The following RERE variants were observed in gnomAD, a reference collection of about 807,000 sequenced individuals.
The protein encoded by RERE is arginine-glutamic acid dipeptide repeats protein.
A neutral mutation model predicts 146.1 loss-of-function variants in RERE; 40 were observed. The ratio of observed to expected loss-of-function variants is 0.27; its 90% CI spans 0.21 to 0.36. The LOEUF is 0.36. RERE is among the 10% of genes least tolerant of loss of function. The probability of loss-of-function intolerance (pLI) is 1.00; values close to 1 mark genes in which losing one functional copy is unlikely to be tolerated. For synonymous variants in RERE, 1,003 were observed against 866.0 expected (o/e 1.16, Z -2.78); for missense variants, 1,933 against 2,138.7 (o/e 0.90, Z 1.90).
chr1:8,645,817 A>G (rs1030047958), intron 2 of RERE, among the ~76,000 whole-genome samples: 7 of 152,256 alleles, frequency 4.6e-5, no homozygotes, highest in Admixed American at 6.5e-5. Context: ...TCACGAAGTA[A>G]TAAGTTTTTA....
chr1:8,572,197 G>C (rs1447214305), intron 4 of RERE, among the ~76,000 whole-genome samples: 1 of 152,126 alleles, frequency 6.6e-6, no homozygotes, highest in Non-Finnish European at 1.5e-5. Flanking sequence ...AATGTATAGA[G>C]TTGTGTAACC....
At chr1:8,628,768 A>G (rs1647002714) in intron 2 of RERE, among the ~76,000 whole-genome samples, 1 of 152,208 alleles carries the variant, frequency 6.6e-6, no homozygotes, top group Non-Finnish European at 1.5e-5. Context: ...TTAAAATCTC[A>G]GTTGGAATAT....
At chr1:8,792,975 G>C (rs1182848331) in intron 1 of RERE, among the ~76,000 whole-genome samples, 1 of 151,836 alleles carries the variant, frequency 6.6e-6, no homozygotes, top group Non-Finnish European at 1.5e-5. Flanking sequence ...TGGCCAACAC[G>C]GTGAAACCCC....
intron 2 of RERE, among the ~76,000 whole-genome samples, chr1:8,641,879 T>A (rs931210416): frequency 1.3e-5 from 2 of 152,186 alleles, no homozygotes; most frequent in Non-Finnish European, 2.9e-5. Context: ...GTTTTGATAA[T>A]GGAGACTTAG....
rs112772887 is a variant in RERE, at chr1:8,610,670, T to C, written c.522+3891A>G. On this transcript the variant is annotated intron_variant, in intron 4 of 22. Coordinates refer to ENST00000400908, the MANE Select transcript of RERE (RefSeq NM_001042681.2). The stretch of plus-strand genomic sequence containing the variant: ...CTTACAGGATAATAGACAATGCTTA[T>C]TGTATGCTTGCTATATGCTAAGTAT... Among the ~76,000 whole-genome samples, 1,341 of 152,240 alleles carry C rather than the reference T, an allele frequency of 8.8e-3. 8 individuals carry two copies. The highest frequency in any genetic ancestry group is 0.014 in the Non-Finnish European group (931 of 68,016).
intron 1 of RERE, among the ~76,000 whole-genome samples, chr1:8,760,663 T>A (rs1640737461): frequency 6.6e-6 from 1 of 152,208 alleles, no homozygotes; most frequent in South Asian, 2.1e-4. Flanking sequence ...TCACCCAGGA[T>A]GGTTTCTTAA....
chr1:8,732,271 A>G (rs974047757), intron 1 of RERE, among the ~76,000 whole-genome samples: 1 of 152,246 alleles, frequency 6.6e-6, no homozygotes, highest in Non-Finnish European at 1.5e-5. Flanking sequence ...ACCGTACTTC[A>G]TGAATAGATA....
rs1643198748 is a variant in RERE at position 8,400,171 on chromosome 1, A to C, written c.1284+22556T>G. 2.0e-5 allele frequency among the ~76,000 whole-genome samples: 3 copies of C among 146,840 alleles called. No individual in the cohort carries two copies. In the South Asian group the frequency reaches 6.4e-4, roughly 31 times the overall value. ...TTAAGTGTCTACATTTTTAATATAA[A>C]TATATCACCTACAAATCAGTTTTGT... is the stretch of plus-strand genomic sequence containing the variant. On this transcript the variant is annotated intron_variant, in intron 12 of 22. Transcript: ENST00000400908.
At chr1:8,779,371 A>G (rs1186085749) in intron 1 of RERE, among the ~76,000 whole-genome samples, 1 of 151,282 alleles carries the variant, frequency 6.6e-6, no homozygotes, top group East Asian at 2.0e-4. Flanking sequence ...TACTAAAAAT[A>G]CAAAAATTAG....
At chr1:8,652,782 G>A (rs969512048) in intron 2 of RERE, among the ~76,000 whole-genome samples, 3 of 152,138 alleles carry the variant, frequency 2.0e-5, no homozygotes, top group African/African-American at 7.2e-5. Flanking sequence ...GACACGTGGG[G>A]ATTATTACAA....
chr1:8,585,247 G>C (rs1185015247), intron 4 of RERE, among the ~76,000 whole-genome samples: 1 of 152,044 alleles, frequency 6.6e-6, no homozygotes, highest in Non-Finnish European at 1.5e-5. Context: ...GATAGAGATG[G>C]AAATAGCTGA....
intron 8 of RERE, among the ~76,000 whole-genome samples, chr1:8,503,826 A>T (rs1230259106): frequency 1.3e-5 from 2 of 152,222 alleles, no homozygotes; most frequent in Admixed American, 1.3e-4. Context: ...TACATAACAA[A>T]ATGCAATACC....
chr1:8,449,558 T>C (rs982927980), intron 11 of RERE, among the ~76,000 whole-genome samples: 1 of 152,230 alleles, frequency 6.6e-6, no homozygotes, highest in African/African-American at 2.4e-5. Flanking sequence ...TCTACTATTG[T>C]GTAACTCATG....
chr1:8,424,179 C>T (rs929630489), intron 11 of RERE: 2 of 152,214 alleles, frequency 1.3e-5, no homozygotes, highest in Admixed American at 1.3e-4. Flanking sequence ...CCGACGCCCC[C>T]CGCGGTCCCT....
chr1:8,584,655 C>T (rs1450363094), intron 4 of RERE, among the ~76,000 whole-genome samples: 1 of 152,058 alleles, frequency 6.6e-6, no homozygotes, highest in African/African-American at 2.4e-5. Flanking sequence ...ACTTGAAGAA[C>T]TAAGACTAAA....
intron 11 of RERE, among the ~76,000 whole-genome samples, chr1:8,440,731 CAA>C (rs35025831): frequency 7.7e-6 from 1 of 129,158 alleles, no homozygotes. Flanking sequence ...ACTAAAAATA[CAA>C]AAAAAAAAAA....
At chr1:8,431,085 A>G (rs1644089740) in intron 11 of RERE, among the ~76,000 whole-genome samples, 1 of 152,218 alleles carries the variant, frequency 6.6e-6, no homozygotes, top group Admixed American at 6.5e-5. Flanking sequence ...TACTACTGGC[A>G]CAAGTAAAAC....
intron 12 of RERE, among the ~76,000 whole-genome samples, chr1:8,390,464 C>G (rs1055289744): frequency 6.6e-6 from 1 of 152,162 alleles, no homozygotes; most frequent in African/African-American, 2.4e-5. Context: ...GTCCCATAGT[C>G]CGAACTGTAT....
At chr1:8,395,741 G>A (rs1037712790) in intron 12 of RERE, among the ~76,000 whole-genome samples, 2 of 152,052 alleles carry the variant, frequency 1.3e-5, no homozygotes, top group African/African-American at 4.8e-5. Context: ...TTTCTAAAAC[G>A]GGAGAGGAGA....
Sources: gnomAD v4.1 joint callset for allele counts (sites outside exome capture counted in the v4.1 genomes callset) on GRCh38, gnomAD v4.1.1 for gene constraint, MANE v1.5 for transcripts, NCBI Gene and HGNC (gene_info 2026-07-23, HGNC 2026-07-21) for gene names.